Variants in DAPP1 observed in about 807,000 individuals in gnomAD.
DAPP1 encodes the protein dual adaptor of phosphotyrosine and 3-phosphoinositides 1.
Under a neutral mutation model 41.5 loss-of-function variants are expected in DAPP1, and 20 were observed. The observed-to-expected ratio is 0.48, with a 90% confidence interval of 0.34 to 0.70. The LOEUF is 0.70. DAPP1 is among the 30% of genes least tolerant of loss of function. DAPP1 has a pLI of 0.01. For missense variants in DAPP1, 233 were observed against 333.4 expected (o/e 0.70, Z 2.35); for synonymous variants, 113 against 116.2 (o/e 0.97, Z 0.18).
chr4:99,854,650 C>G (rs1560704465), intron 4 of DAPP1, among the ~76,000 whole-genome samples: 4 of 152,146 alleles, frequency 2.6e-5, no homozygotes, highest in Admixed American at 2.6e-4. Flanking sequence ...ACCTGTCTCT[C>G]TCAACATTGT....
At chr4:99,820,871 A>G (rs1722750681) in intron 1 of DAPP1, among the ~76,000 whole-genome samples, 1 of 152,170 alleles carries the variant, frequency 6.6e-6, no homozygotes. Context: ...ATATTTTTCT[A>G]TTTCCCTCAA....
chr4:99,828,335 A>G (rs768323742), intron 1 of DAPP1, among the ~76,000 whole-genome samples: 14 of 152,238 alleles, frequency 9.2e-5, no homozygotes, highest in Non-Finnish European at 1.9e-4. Context: ...TTAATAGCCT[A>G]TAGAAAGATA....
intron 2 of DAPP1, among the ~76,000 whole-genome samples, 154 bp from the exon 3 acceptor site, chr4:99,840,135 G>A (rs1169936665): frequency 6.6e-6 from 1 of 152,182 alleles, no homozygotes; most frequent in Non-Finnish European, 1.5e-5. Context: ...AAAGAAACTA[G>A]TGATGCTATT....
intron 8 of DAPP1, among the ~76,000 whole-genome samples, 184 bp from the exon 9 acceptor site, chr4:99,867,933 A>T (rs1023752940): frequency 6.6e-6 from 1 of 152,238 alleles, no homozygotes; most frequent in Non-Finnish European, 1.5e-5. Flanking sequence ...TGTCCTAAAA[A>T]AAAATACAGA....
chr4:99,863,114 C>A (rs542305166), intron 6 of DAPP1, 42 bp downstream of exon 6: 6 of 1,331,298 alleles, frequency 4.5e-6, no homozygotes, highest in African/African-American at 1.5e-5. Flanking sequence ...AAAATCAATT[C>A]TCTAGATGAA....
intron 3 of DAPP1, among the ~76,000 whole-genome samples, chr4:99,841,344 TCA>T (rs1234008748): frequency 6.6e-6 from 1 of 152,242 alleles, no homozygotes; most frequent in Non-Finnish European, 1.5e-5. Flanking sequence ...CTGATGTGAC[TCA>T]CACAGTGTCT....
chr4:99,833,842 G>A (rs1041711604), intron 1 of DAPP1, among the ~76,000 whole-genome samples: 2 of 152,174 alleles, frequency 1.3e-5, no homozygotes, highest in African/African-American at 4.8e-5. Flanking sequence ...GGATCTCAAT[G>A]GCTTCCTGGT....
At chr4:99,851,292 C>A (rs1723848713) in intron 3 of DAPP1, among the ~76,000 whole-genome samples, 1 of 152,120 alleles carries the variant, frequency 6.6e-6, no homozygotes. Context: ...CTGATAATGG[C>A]AAAATCTGTT....
intron 4 of DAPP1, among the ~76,000 whole-genome samples, chr4:99,854,612 C>T (rs1030461353): frequency 6.7e-6 from 1 of 150,128 alleles, no homozygotes; most frequent in Non-Finnish European, 1.5e-5. Context: ...GTCTTCATCT[C>T]ATGCTACTCC....
intron 1 of DAPP1, among the ~76,000 whole-genome samples, chr4:99,821,038 G>C (rs1055033334): frequency 6.6e-6 from 1 of 152,138 alleles, no homozygotes; most frequent in African/African-American, 2.4e-5. Context: ...GTAGACACCA[G>C]CTCTGGTCTT....
chr4:99,825,653 T>G (rs1051678267), intron 1 of DAPP1, among the ~76,000 whole-genome samples: 1 of 152,222 alleles, frequency 6.6e-6, no homozygotes, highest in Non-Finnish European at 1.5e-5. Flanking sequence ...CAGAAACGTC[T>G]CTATTGGAGA....
chr4:99,833,824 G>A lies in DAPP1; in HGVS notation c.102-1799G>A, dbSNP rs552355542. Among the ~76,000 whole-genome samples the A allele has an allele frequency of 2.2e-4, 34 of 152,318 alleles. No individual in the cohort carries two copies. In the South Asian group the frequency reaches 5.8e-3, roughly 26 times the overall value. On this transcript the variant is annotated intron_variant, in intron 1 of 8. Transcript: ENST00000512369. ...CCACAGAGGGTAAATTGAAAGTTAC[G>A]GCTTTTTGGATCTCAATGGCTTCCT...
chr4:99,824,245 C>T (rs1380379647), intron 1 of DAPP1, among the ~76,000 whole-genome samples: 1 of 152,174 alleles, frequency 6.6e-6, no homozygotes, highest in African/African-American at 2.4e-5. Context: ...TTCATCTTTG[C>T]CTTCTCCATC....
At chr4:99,848,851 G>A (rs1723760017) in intron 3 of DAPP1, among the ~76,000 whole-genome samples, 1 of 152,166 alleles carries the variant, frequency 6.6e-6, no homozygotes, top group African/African-American at 2.4e-5. Flanking sequence ...GTGTGACCAG[G>A]TCAGGTATTC....
At chr4:99,820,988 T>C (rs1722754444) in intron 1 of DAPP1, among the ~76,000 whole-genome samples, 1 of 152,174 alleles carries the variant, frequency 6.6e-6, no homozygotes, top group South Asian at 2.1e-4. Context: ...GAATAAATGA[T>C]AATAAACAAA....
chr4:99,866,098 A>G lies in DAPP1; in HGVS notation c.751A>G (p.Ile251Val), dbSNP rs1334504272. 8 of 1,601,344 alleles carry G rather than the reference A, an allele frequency of 5.0e-6. No homozygotes were observed. The South Asian group carries it at 8.8e-5, about 18-fold the overall frequency. ...AKTGVEADEW[I>V]KILRWKLSQI... Reference sequence around the variant, plus strand: ...GACCGGAGTAGAAGCTGATGAGTGGATCAAGATATTACGCTGGAAATTGGT... The same window carrying G: ...GACCGGAGTAGAAGCTGATGAGTGGGTCAAGATATTACGCTGGAAATTGGT... The change falls in exon 8 of 9, where the codon ATC becomes GTC. Residue 251 changes from isoleucine to valine, a missense_variant. Physicochemically the swap from Ile to Val is conservative, Grantham distance 29. Coordinates refer to ENST00000512369, the MANE Select transcript of DAPP1 (RefSeq NM_014395.3).
chr4:99,831,406 C>T (rs1723115353), intron 1 of DAPP1, among the ~76,000 whole-genome samples: 1 of 151,942 alleles, frequency 6.6e-6, no homozygotes, highest in Non-Finnish European at 1.5e-5. Context: ...CACCCCGACT[C>T]CCTGCCCTCA....
intron 5 of DAPP1, 46 bp downstream of exon 5, chr4:99,861,671 A>G: frequency 2.6e-6 from 4 of 1,543,308 alleles, no homozygotes; most frequent in Non-Finnish European, 3.5e-6. Context: ...AAAAAAGAGA[A>G]CACGTCATGT....
intron 1 of DAPP1, among the ~76,000 whole-genome samples, chr4:99,824,663 C>T (rs1722880269): frequency 6.6e-6 from 1 of 152,148 alleles, no homozygotes; most frequent in East Asian, 1.9e-4. Flanking sequence ...AGACAATTAC[C>T]CTGAACCAGC....
Sources: allele counts gnomAD v4.1 joint callset (sites outside exome capture counted in the v4.1 genomes callset), GRCh38; gene constraint gnomAD v4.1.1; transcripts MANE v1.5; gene names NCBI Gene and HGNC (gene_info 2026-07-23, HGNC 2026-07-21).